Variants in RPH3AL observed in about 807,000 individuals in gnomAD.
The protein encoded by RPH3AL is rabphilin 3A like (without C2 domains).
Under a neutral mutation model 43.1 loss-of-function variants are expected in RPH3AL, and 38 were observed. That is an observed-to-expected ratio of 0.88 (90% CI 0.68 to 1.15). The LOEUF is 1.15. Among genes scored for constraint, RPH3AL ranks in the 50% most tolerant of loss-of-function variants. RPH3AL has a pLI of 0.00. For missense variants in RPH3AL, 462 were observed against 423.2 expected (o/e 1.09, Z -0.81); for synonymous variants, 189 against 176.3 (o/e 1.07, Z -0.57).
At chr17:345,698 C>T (rs114531179) in intron 1 of RPH3AL, among the ~76,000 whole-genome samples, 1,312 of 119,890 alleles carry the variant, frequency 0.011, 149 homozygotes, top group African/African-American at 0.032. Flanking sequence ...TGCTGGGGCA[C>T]GCGTGCTCCC....
intron 1 of RPH3AL, among the ~76,000 whole-genome samples, chr17:351,441 A>G (rs1235339069): frequency 1.3e-5 from 2 of 152,142 alleles, no homozygotes; most frequent in Non-Finnish European, 2.9e-5. Flanking sequence ...TGTTCCCTAC[A>G]GGACTCACCT....
chr17:348,644 T>C (rs2045293171), intron 1 of RPH3AL, among the ~76,000 whole-genome samples: 1 of 151,942 alleles, frequency 6.6e-6, no homozygotes, highest in Non-Finnish European at 1.5e-5. Context: ...TGCGGAAGAA[T>C]CTTGCCACGC....
rs534108096 is a variant in RPH3AL, at chr17:297,418, C to T, written c.352-15564G>A. 2.0e-5 allele frequency among the ~76,000 whole-genome samples: 3 copies of T among 152,332 alleles called. No individual in the cohort carries two copies. The East Asian group carries it at 5.8e-4, about 29-fold the overall frequency. ...CCAGCTGCTCAGAAGTTCCAGAGGTCTGGACGTGTGACTGGCATCTGAGGC... is the reference window on the plus strand; with the variant it reads ...CCAGCTGCTCAGAAGTTCCAGAGGTTTGGACGTGTGACTGGCATCTGAGGC... On this transcript the variant is annotated intron_variant, in intron 5 of 9. Coordinates refer to ENST00000331302, the MANE Select transcript of RPH3AL (RefSeq NM_006987.4).
chr17:299,000 C>T (rs1458744550), intron 5 of RPH3AL, among the ~76,000 whole-genome samples: 2 of 149,416 alleles, frequency 1.3e-5, no homozygotes, highest in South Asian at 4.2e-4. Context: ...CTGAGGGCCT[C>T]GGATACCACG....
intron 5 of RPH3AL, among the ~76,000 whole-genome samples, chr17:307,097 G>GGTCT: frequency 6.6e-6 from 1 of 152,144 alleles, no homozygotes; most frequent in Middle Eastern, 3.4e-3. Flanking sequence ...CCCCACGGCA[G>GGTCT]GCCCATCCCA....
At chr17:310,878 C>T (rs1434901648) in intron 5 of RPH3AL, among the ~76,000 whole-genome samples, 1 of 152,144 alleles carries the variant, frequency 6.6e-6, no homozygotes, top group Non-Finnish European at 1.5e-5. Context: ...CCCTGATTCT[C>T]CAGCGACTCG....
chr17:220,158 C>G (rs1290061726), intron 7 of RPH3AL, among the ~76,000 whole-genome samples: 7 of 152,218 alleles, frequency 4.6e-5, no homozygotes, highest in South Asian at 4.2e-4. Flanking sequence ...GAGGCCTCCA[C>G]TCACTGAGAC....
chr17:232,134 C>T (rs540888972), intron 7 of RPH3AL, among the ~76,000 whole-genome samples: 10 of 152,340 alleles, frequency 6.6e-5, no homozygotes, highest in African/African-American at 2.4e-4. Flanking sequence ...CAAGACGTGG[C>T]CGGGCCTCTA....
chr17:296,217 C>G (rs1168305679), intron 5 of RPH3AL, among the ~76,000 whole-genome samples: 17 of 109,444 alleles, frequency 1.6e-4, no homozygotes, highest in Non-Finnish European at 2.6e-4. Flanking sequence ...GACAGAGGAG[C>G]TGCAGAAATG....
chr17:253,274 C>T (rs782176816), intron 6 of RPH3AL, among the ~76,000 whole-genome samples: 15 of 152,118 alleles, frequency 9.9e-5, no homozygotes, highest in South Asian at 4.1e-4. Flanking sequence ...CCCTGTTTAA[C>T]GGGGAGTGGC....
intron 5 of RPH3AL, among the ~76,000 whole-genome samples, chr17:314,680 G>GCTCCACCTCCACTGACCTGTGGTCTCTGT (rs71143497): frequency 1.1e-4 from 4 of 36,148 alleles, no homozygotes; most frequent in African/African-American, 6.7e-4. Context: ...TAGTCTCTGT[G>GCTCCACCTCCACTGACCTGTGGTCTCTGT]ACTCCACCTC....
At chr17:272,203 C>T (rs1414478058) in intron 6 of RPH3AL, among the ~76,000 whole-genome samples, 3 of 152,162 alleles carry the variant, frequency 2.0e-5, no homozygotes, top group African/African-American at 7.2e-5. Context: ...GTGGTGATTC[C>T]TCAGGGATCT....
chr17:238,988 G>A (rs964087651), intron 7 of RPH3AL, among the ~76,000 whole-genome samples: 1 of 152,176 alleles, frequency 6.6e-6, no homozygotes, highest in African/African-American at 2.4e-5. Flanking sequence ...CTGTCTGCAG[G>A]GATCAGGTGG....
intron 5 of RPH3AL, among the ~76,000 whole-genome samples, chr17:316,920 G>A (rs1313539377): frequency 7.6e-6 from 1 of 131,408 alleles, no homozygotes; most frequent in African/African-American, 2.9e-5. Context: ...CCACTGACCT[G>A]TAGTCTCTGT....
At chr17:269,660 C>A (rs1328977496) in intron 6 of RPH3AL, among the ~76,000 whole-genome samples, 1 of 152,228 alleles carries the variant, frequency 6.6e-6, no homozygotes, top group African/African-American at 2.4e-5. Context: ...GGACAATGGG[C>A]TCCCGTGGGG....
chr17:243,196 A>C (rs1352990742), intron 7 of RPH3AL, among the ~76,000 whole-genome samples: 2 of 127,690 alleles, frequency 1.6e-5, no homozygotes, highest in South Asian at 2.6e-4. Flanking sequence ...TCTATTGATT[A>C]CCTTCCTCTA....
chr17:308,196 G>T (rs1419264811), intron 5 of RPH3AL, among the ~76,000 whole-genome samples: 2 of 152,238 alleles, frequency 1.3e-5, no homozygotes, highest in African/African-American at 4.8e-5. Context: ...ATGGCTCAAG[G>T]AGGCTGCTGC....
chr17:308,678 AG>A, intron 5 of RPH3AL, among the ~76,000 whole-genome samples: 1 of 152,212 alleles, frequency 6.6e-6, no homozygotes, highest in Non-Finnish European at 1.5e-5. Flanking sequence ...CATTATGCAA[AG>A]GGCACCTGGT....
In RPH3AL at chr17:217,446, C is replaced by T. The variant is rs546812955; in HGVS notation, c.728-1644G>A. Among the ~76,000 whole-genome samples the T allele has an allele frequency of 8.0e-4, 36 of 44,790 alleles. 5 individuals carry two copies. Among genetic ancestry groups the T allele is most frequent in the African/African-American group, 1.6e-3 (34 of 20,654 alleles). 29.4% of individuals were successfully genotyped at this position (44,790 alleles called of 152,430 possible). On this transcript the variant is annotated intron_variant, in intron 8 of 9. Transcript: ENST00000331302. ...CCTTCTTCTGTGCCAAAATTGGCCT[C>T]GCTGAAATCAGGACCCCCAAGGCAT...
Sources: allele counts gnomAD v4.1 joint callset (sites outside exome capture counted in the v4.1 genomes callset), GRCh38; gene constraint gnomAD v4.1.1; transcripts MANE v1.5; gene names NCBI Gene and HGNC (gene_info 2026-07-23, HGNC 2026-07-21).